The following PRKCE variants were observed in gnomAD, a reference collection of about 807,000 sequenced individuals.
PRKCE encodes protein kinase C epsilon.
In PRKCE, 16 loss-of-function variants were observed where a neutral mutation model predicts 85.4. The ratio of observed to expected loss-of-function variants is 0.19; its 90% CI spans 0.13 to 0.28. The LOEUF (loss-of-function observed/expected upper bound fraction) is 0.28, where lower values mean the gene tolerates loss of function less well. PRKCE is among the 10% of genes least tolerant of loss of function. The pLI is 1.00. For missense variants in PRKCE, 573 were observed against 975.2 expected (o/e 0.59, Z 5.49); for synonymous variants, 388 against 371.5 (o/e 1.04, Z -0.51).
intron 10 of PRKCE, among the ~76,000 whole-genome samples, chr2:46,075,861 G>C (rs892870059): frequency 6.6e-6 from 1 of 152,268 alleles, no homozygotes; most frequent in Non-Finnish European, 1.5e-5. Context: ...TCAGGACACA[G>C]CATTGGGTAG....
intron 11 of PRKCE, among the ~76,000 whole-genome samples, chr2:46,112,052 T>A (rs942166295): frequency 5.9e-5 from 9 of 152,220 alleles, no homozygotes; most frequent in Non-Finnish European, 1.3e-4. Flanking sequence ...ATTTCTTGCC[T>A]CTGTCAGTTT....
chr2:46,132,599 G>A (rs575784049), intron 11 of PRKCE, among the ~76,000 whole-genome samples: 3 of 152,268 alleles, frequency 2.0e-5, no homozygotes, highest in Non-Finnish European at 4.4e-5. Flanking sequence ...TCATTCGCCT[G>A]AGCCTGTGCA....
chr2:45,715,038 G>T (rs757887510), intron 1 of PRKCE, among the ~76,000 whole-genome samples: 6 of 152,228 alleles, frequency 3.9e-5, no homozygotes, highest in Non-Finnish European at 8.8e-5. Flanking sequence ...GGCTGGAGTT[G>T]TTCCCTGGCA....
intron 1 of PRKCE, among the ~76,000 whole-genome samples, chr2:45,758,973 G>A (rs967615565): frequency 4.6e-5 from 7 of 152,182 alleles, no homozygotes; most frequent in African/African-American, 1.4e-4. Context: ...TGAAGGGACC[G>A]TGGGAGAGTA....
rs575373100 is a variant in PRKCE, at chr2:46,121,259, GC to G, written c.1593-23833del. Reference sequence around the variant, plus strand: ...TCTTGGGGTTAATAAGCTTAAGAATGCACAGGCAGACAATTTTCATTTCCAC... The same window carrying G: ...TCTTGGGGTTAATAAGCTTAAGAATGACAGGCAGACAATTTTCATTTCCAC... On this transcript the variant is annotated intron_variant, in intron 11 of 14. Coordinates refer to ENST00000306156, the MANE Select transcript of PRKCE (RefSeq NM_005400.3). Among the ~76,000 whole-genome samples the G allele has an allele frequency of 2.6e-3, 389 of 152,330 alleles. 3 individuals are homozygous for G. Among genetic ancestry groups the G allele is most frequent in the Middle Eastern group, 0.01 (3 of 294 alleles).
chr2:45,784,745 A>G (rs1215792691), intron 1 of PRKCE, among the ~76,000 whole-genome samples: 1 of 152,348 alleles, frequency 6.6e-6, no homozygotes, highest in African/African-American at 2.4e-5. Flanking sequence ...TGAGCCAATA[A>G]TATGAAATTC....
rs1384618342 is a variant in PRKCE, at chr2:46,004,880, A to G, written c.1063+242A>G. Among the ~76,000 whole-genome samples the G allele has an allele frequency of 6.6e-6, 1 of 151,814 alleles. No individual in the cohort carries two copies. Among genetic ancestry groups the G allele is most frequent in the Non-Finnish European group, 1.5e-5 (1 of 67,984 alleles). ...TCCTTCCAGGCCAGGGTAAGAGGAGAGCGAGTGTATGATGTTATGGTTATC... is the reference window on the plus strand; with the variant it reads ...TCCTTCCAGGCCAGGGTAAGAGGAGGGCGAGTGTATGATGTTATGGTTATC... On this transcript the variant is annotated intron_variant, in intron 8 of 14. Transcript: ENST00000306156. The surrounding 1 kb of genome is among the most constrained non-coding windows in gnomAD (Gnocchi z 4.1).
At chr2:46,060,985 C>T (rs1404908101) in intron 10 of PRKCE, among the ~76,000 whole-genome samples, 2 of 151,866 alleles carry the variant, frequency 1.3e-5, no homozygotes, top group Non-Finnish European at 2.9e-5. Flanking sequence ...TGGTCTTGAA[C>T]TCCCGACCTC....
At chr2:45,975,507 C>A (rs937258751) in intron 2 of PRKCE, among the ~76,000 whole-genome samples, 4 of 152,130 alleles carry the variant, frequency 2.6e-5, no homozygotes, top group Non-Finnish European at 4.4e-5. Context: ...GACACTAATC[C>A]CATCATGGAG....
chr2:45,727,367 C>T (rs758659926), intron 1 of PRKCE, among the ~76,000 whole-genome samples: 23 of 152,266 alleles, frequency 1.5e-4, no homozygotes, highest in Admixed American at 4.6e-4. Flanking sequence ...TGTGTATGTC[C>T]AACCAGTGCA....
At chr2:45,817,700 CA>C (rs895048348) in intron 1 of PRKCE, among the ~76,000 whole-genome samples, 48 of 148,608 alleles carry the variant, frequency 3.2e-4, no homozygotes, top group Middle Eastern at 3.4e-3. Context: ...TCTCAAAAAA[CA>C]AAAAAAAAAC....
chr2:46,181,868 A>G (rs72808780), intron 14 of PRKCE, among the ~76,000 whole-genome samples: 20,956 of 152,136 alleles, frequency 0.14, 1,699 homozygotes, highest in Non-Finnish European at 0.19. Context: ...AGTTGAAAAG[A>G]GGGAGCCTCC....
chr2:45,727,796 A>C (rs938760450), intron 1 of PRKCE, among the ~76,000 whole-genome samples: 1 of 152,158 alleles, frequency 6.6e-6, no homozygotes, highest in Non-Finnish European at 1.5e-5. Flanking sequence ...CTGGGATTAC[A>C]GGTGCCCGCC....
intron 11 of PRKCE, among the ~76,000 whole-genome samples, chr2:46,121,971 C>T (rs1309970217): frequency 6.6e-6 from 1 of 152,024 alleles, no homozygotes; most frequent in Non-Finnish European, 1.5e-5. Context: ...ACCCTTTTTC[C>T]CTCCTTCCCT....
chr2:46,026,152 C>T (rs1425660638), intron 10 of PRKCE, among the ~76,000 whole-genome samples: 1 of 152,218 alleles, frequency 6.6e-6, no homozygotes, highest in African/African-American at 2.4e-5. Flanking sequence ...ATACCCCTTT[C>T]TCCTTGGTAG....
chr2:45,838,730 T>C (rs1573558552), intron 1 of PRKCE, among the ~76,000 whole-genome samples: 1 of 152,134 alleles, frequency 6.6e-6, no homozygotes, highest in Non-Finnish European at 1.5e-5. Flanking sequence ...CTCCTGCCTC[T>C]GCCTCCCAAG....
chr2:45,734,132 C>T (rs144941536), intron 1 of PRKCE, among the ~76,000 whole-genome samples: 4 of 152,206 alleles, frequency 2.6e-5, no homozygotes, highest in African/African-American at 7.2e-5. Flanking sequence ...TTTGGGAGTC[C>T]GAGGCAGGTG....
At chr2:46,172,310 A>G (rs1241547882) in intron 14 of PRKCE, among the ~76,000 whole-genome samples, 1 of 152,204 alleles carries the variant, frequency 6.6e-6, no homozygotes, top group Non-Finnish European at 1.5e-5. Context: ...CCATTCCTCA[A>G]TCCCAGACTG....
intron 2 of PRKCE, among the ~76,000 whole-genome samples, chr2:45,918,703 A>C (rs1333062061): frequency 6.6e-6 from 1 of 152,094 alleles, no homozygotes; most frequent in Non-Finnish European, 1.5e-5. Context: ...TGTAGGAATG[A>C]CTTTTCATGG....
Sources: gnomAD v4.1 joint callset for allele counts (sites outside exome capture counted in the v4.1 genomes callset) on GRCh38, gnomAD v4.1.1 for gene constraint, Gnocchi (gnomAD v3.1) non-coding constraint, MANE v1.5 for transcripts, NCBI Gene and HGNC (gene_info 2026-07-23, HGNC 2026-07-21) for gene names.